Variants in TIGAR observed in about 807,000 individuals in gnomAD.
The protein encoded by TIGAR is TP53 induced glycolysis regulatory phosphatase, also known as fructose-2,6-bisphosphatase TIGAR.
A neutral mutation model predicts 17.9 loss-of-function variants in TIGAR; 7 were observed. That is an observed-to-expected ratio of 0.39 (90% CI 0.22 to 0.73). The LOEUF (loss-of-function observed/expected upper bound fraction) is 0.73. TIGAR is among the 30% of genes least tolerant of loss of function. TIGAR has a pLI of 0.42. For synonymous variants in TIGAR, 94 were observed against 108.6 expected, an observed-to-expected ratio of 0.87 and a Z score of 0.84; for missense variants, 258 against 327.4, an observed-to-expected ratio of 0.79 and a Z score of 1.64.
chr12:4,324,342 G>A, intron 1 of TIGAR: 1 of 642,838 alleles, frequency 1.6e-6, no homozygotes. Context: ...TTTTTTTTTG[G>A]AAATATGTGT....
In TIGAR at chr12:4,356,091, C is replaced by T. The variant is rs993559366; in HGVS notation, c.*3400C>T. ...TGTGATCAGACTTGTTTCAGCAGGA[C>T]CATCCTGCTTGCAATGTGGAGAGCA... On this transcript the variant is annotated 3_prime_UTR_variant, in exon 6 of 6. Coordinates refer to ENST00000179259, the MANE Select transcript of TIGAR (RefSeq NM_020375.3). Among the ~76,000 whole-genome samples, 3 of 152,148 alleles carry T rather than the reference C, an allele frequency of 2.0e-5. No homozygotes were observed. Among genetic ancestry groups the T allele is most frequent in the African/African-American group, 7.2e-5 (3 of 41,438 alleles).
At chr12:4,346,751 T>A (rs1476255933) in intron 3 of TIGAR, among the ~76,000 whole-genome samples, 2 of 151,672 alleles carry the variant, frequency 1.3e-5, no homozygotes, top group African/African-American at 4.8e-5. Flanking sequence ...ACTTAAAGTA[T>A]AATAAAAAAT....
At chr12:4,342,541 G>C (rs1864734795) in intron 3 of TIGAR, among the ~76,000 whole-genome samples, 1 of 152,176 alleles carries the variant, frequency 6.6e-6, no homozygotes, top group African/African-American at 2.4e-5. Context: ...AGATCTCTTG[G>C]TAAAAACTCT....
chr12:4,324,013 A>G (rs2120640244), intron 1 of TIGAR, among the ~76,000 whole-genome samples: 1 of 152,348 alleles, frequency 6.6e-6, no homozygotes, highest in South Asian at 2.1e-4. Context: ...CTTTAAAGCA[A>G]TTTAAGTTCA....
At position 4,352,396 on chromosome 12, in the gene TIGAR, G is replaced by GA; in HGVS notation, c.524dup (p.Asn175LysfsTer5). On this transcript the variant is annotated frameshift_variant, in exon 6 of 6. Coordinates refer to ENST00000179259, the MANE Select transcript of TIGAR (RefSeq NM_020375.3). LOFTEE classifies it low-confidence loss of function (END_TRUNC). ...TCTTTGGCAGAGATATTTCCTTTAG[G>GA]AAAAAATCACAGCTCTAAAGTTAAT... is the stretch of plus-strand genomic sequence containing the variant. 1 of 1,614,068 alleles carries GA rather than the reference G, an allele frequency of 6.2e-7. No individual in the cohort carries two copies. Among genetic ancestry groups the GA allele is most frequent in the South Asian group, 1.1e-5 (1 of 91,078 alleles).
chr12:4,340,969 A>G (rs916245231), intron 3 of TIGAR, among the ~76,000 whole-genome samples: 2 of 152,214 alleles, frequency 1.3e-5, no homozygotes, highest in Non-Finnish European at 2.9e-5. Context: ...TCTCCAGAAC[A>G]TTGTTCTGGC....
intron 3 of TIGAR, 39 bp downstream of exon 3, chr12:4,337,199 A>G (rs761688178): frequency 6.6e-7 from 1 of 1,518,178 alleles, no homozygotes; most frequent in Non-Finnish European, 9.0e-7. Flanking sequence ...ACAGAGCGTC[A>G]CTCTATGCCC....
In TIGAR at chr12:4,352,848, A is replaced by G. The variant is rs936844875; in HGVS notation, c.*157A>G. On this transcript the variant is annotated 3_prime_UTR_variant, in exon 6 of 6. Transcript: ENST00000179259. ...TAGCCACATAAAACTTTAATGGACA[A>G]CCATATAGAATTAACTTATTTTGTC... The G allele has an allele frequency of 2.4e-5, 15 of 637,728 alleles. No homozygotes were observed. Among genetic ancestry groups the G allele is most frequent in the Non-Finnish European group, 3.4e-5 (13 of 380,052 alleles). The allele number at this position is 637,728 out of a possible 1,614,324, so 39.5% of individuals were successfully genotyped here. A position where few individuals can be genotyped will look rare whatever the true frequency, so the allele number is the denominator to read the frequency against.
rs528980504 is a variant in TIGAR, at chr12:4,359,984, A to G, written c.*7293A>G. Among the ~76,000 whole-genome samples the G allele has an allele frequency of 2.0e-5, 3 of 152,332 alleles. No individual in the cohort carries two copies. Among genetic ancestry groups the G allele is most frequent in the African/African-American group, 7.2e-5 (3 of 41,566 alleles). ...TACAATTCTTATTGATCATTCATAC[A>G]GCTTTCTTTGTGAAATGTGTATTAA... On this transcript the variant is annotated 3_prime_UTR_variant, in exon 6 of 6. Transcript: ENST00000179259.
intron 1 of TIGAR, among the ~76,000 whole-genome samples, chr12:4,329,998 A>G (rs968061423): frequency 2.6e-5 from 4 of 152,298 alleles, no homozygotes; most frequent in African/African-American, 4.8e-5. Context: ...GAGACTACCT[A>G]AAAGAACCAG....
Position 4,358,368 on chromosome 12 carries a change from T to G in TIGAR, c.*5677T>G, listed in dbSNP as rs2120710401. Among the ~76,000 whole-genome samples, 1 of 152,176 alleles carries G rather than the reference T, an allele frequency of 6.6e-6. No homozygotes were observed. Among genetic ancestry groups the G allele is most frequent in the East Asian group, 1.9e-4 (1 of 5,176 alleles). On this transcript the variant is annotated 3_prime_UTR_variant, in exon 6 of 6. Coordinates refer to ENST00000179259, the MANE Select transcript of TIGAR (RefSeq NM_020375.3). Reference sequence around the variant, plus strand: ...ATAATTACAGTAATGTGTATGTGCGTGTGTTTTGGTAATCTTTTATCTTGG... The same window carrying G: ...ATAATTACAGTAATGTGTATGTGCGGGTGTTTTGGTAATCTTTTATCTTGG...
At chr12:4,346,726 C>T (rs1252346202) in intron 3 of TIGAR, among the ~76,000 whole-genome samples, 2 of 151,746 alleles carry the variant, frequency 1.3e-5, no homozygotes, top group South Asian at 2.1e-4. Flanking sequence ...GCACGTCGTG[C>T]ACATGTACCC....
intron 1 of TIGAR, among the ~76,000 whole-genome samples, chr12:4,322,538 CG>C (rs1864492444): frequency 1.3e-5 from 2 of 152,286 alleles, no homozygotes; most frequent in South Asian, 4.1e-4. Context: ...CAAATACGAA[CG>C]TATAGTTCAG....
chr12:4,344,392 C>T (rs537395610), intron 3 of TIGAR, among the ~76,000 whole-genome samples: 4 of 152,240 alleles, frequency 2.6e-5, no homozygotes, highest in South Asian at 2.1e-4. Context: ...CCAGCATCAT[C>T]CTGATACCAA....
chr12:4,333,473 T>G (rs1340480128), intron 2 of TIGAR, among the ~76,000 whole-genome samples: 1 of 151,506 alleles, frequency 6.6e-6, no homozygotes, highest in African/African-American at 2.4e-5. Context: ...AAATTTTTAT[T>G]TATTTATTTA....
At chr12:4,329,640 A>G (rs924894082) in intron 1 of TIGAR, among the ~76,000 whole-genome samples, 2 of 152,178 alleles carry the variant, frequency 1.3e-5, no homozygotes, top group African/African-American at 4.8e-5. Context: ...TCTGGCCACA[A>G]ATAATCTTTT....
chr12:4,354,731 T>TC lies in TIGAR; in HGVS notation c.*2040_*2041insC, dbSNP rs1179636466. The stretch of plus-strand genomic sequence containing the variant: ...TCAGTTTTTATTTTCTTTGCTTTTT[T>TC]TCTTTTTTTTTTTTTTTGGAGACAG... On this transcript the variant is annotated 3_prime_UTR_variant, in exon 6 of 6. Coordinates refer to ENST00000179259, the MANE Select transcript of TIGAR (RefSeq NM_020375.3). 2 of 150,792 alleles carry TC rather than the reference T, an allele frequency of 1.3e-5. No homozygotes were observed. Among genetic ancestry groups the TC allele is most frequent in the African/African-American group, 4.9e-5 (2 of 40,824 alleles). The allele number at this position is 150,792 out of a possible 1,614,324, so 9.3% of individuals were successfully genotyped here. A position where few individuals can be genotyped will look rare whatever the true frequency, so the allele number is the denominator to read the frequency against.
At chr12:4,329,809 A>G (rs1425121931) in intron 1 of TIGAR, among the ~76,000 whole-genome samples, 1 of 152,096 alleles carries the variant, frequency 6.6e-6, no homozygotes, top group Non-Finnish European at 1.5e-5. Context: ...GGCCCTGGGC[A>G]TGTTGAGGGT....
At chr12:4,345,861 C>G (rs1190280635) in intron 3 of TIGAR, among the ~76,000 whole-genome samples, 1 of 152,188 alleles carries the variant, frequency 6.6e-6, no homozygotes, top group Non-Finnish European at 1.5e-5. Flanking sequence ...ATCTACTCAT[C>G]TGACAAAGGG....
Sources: gnomAD v4.1 joint callset for allele counts (sites outside exome capture counted in the v4.1 genomes callset) on GRCh38, gnomAD v4.1.1 for gene constraint, MANE v1.5 for transcripts, NCBI Gene and HGNC (gene_info 2026-07-23, HGNC 2026-07-21) for gene names.